Variants in CDH23 observed in about 807,000 individuals in gnomAD.
CDH23 encodes cadherin-23.
A neutral mutation model predicts 317.1 loss-of-function variants in CDH23; 189 were observed. The ratio of observed to expected loss-of-function variants is 0.60; its 90% CI spans 0.53 to 0.67. The LOEUF is 0.67. CDH23 is among the 30% of genes least tolerant of loss of function. The pLI is 0.00. For synonymous variants in CDH23, 1,839 were observed against 1,876.8 expected (o/e 0.98, Z 0.52); for missense variants, 4,401 against 4,592.4 (o/e 0.96, Z 1.20).
At position 71,617,287 on chromosome 10, in the gene CDH23, A is replaced by G; in HGVS notation, c.1028A>G (p.Asp343Gly). 1 of 1,613,986 alleles carries G rather than the reference A, an allele frequency of 6.2e-7. No homozygotes were observed. Among genetic ancestry groups the G allele is most frequent in the East Asian group, 2.2e-5 (1 of 44,884 alleles). ...AATATCCTGGTTATTGACATCAATG[A>G]CAATGCCCCGGAGTTCAACAGCTCC... Reference protein sequence around the residue: ...TFNILVIDINDNAPEFNSSEY... With the variant: ...TFNILVIDINGNAPEFNSSEY... The change falls in exon 11 of 70, where the codon GAC becomes GGC. Residue 343 changes from aspartate to glycine, a missense_variant. Asp to Gly is a moderately conservative substitution (Grantham distance 94). Coordinates refer to ENST00000224721, the MANE Select transcript of CDH23 (RefSeq NM_022124.6).
chr10:71,762,742 G>A (rs750750799), intron 38 of CDH23, among the ~76,000 whole-genome samples: 4 of 152,232 alleles, frequency 2.6e-5, no homozygotes, highest in Non-Finnish European at 5.9e-5. Flanking sequence ...GGGTGTCCTA[G>A]GCAAGATAGT....
chr10:71,687,779 AC>A, intron 19 of CDH23, 60 bp downstream of exon 19: 1 of 1,509,130 alleles, frequency 6.6e-7, no homozygotes, highest in Non-Finnish European at 9.2e-7. Flanking sequence ...CAGTCACGGC[AC>A]CCAGGATGTG....
rs971168150 is a variant in CDH23, at chr10:71,715,457, C to T, written c.3369+2644C>T. The T allele has an allele frequency of 4.6e-5, 7 of 152,744 alleles. No homozygotes were observed. In the East Asian group the frequency reaches 1.3e-3, roughly 29 times the overall value. The allele number at this position is 152,744 out of a possible 1,614,324, so 9.5% of individuals were successfully genotyped here. On this transcript the variant is annotated intron_variant, in intron 28 of 69. Transcript: ENST00000224721. ...AGGAAGAGAGCCCCGAGGTTTTGCCCCAGCACTGGGCCAGCACAGATGCCA... is the reference window on the plus strand; with the variant it reads ...AGGAAGAGAGCCCCGAGGTTTTGCCTCAGCACTGGGCCAGCACAGATGCCA...
intron 30 of CDH23, among the ~76,000 whole-genome samples, chr10:71,729,876 C>A (rs1418521746): frequency 6.6e-6 from 1 of 151,694 alleles, no homozygotes; most frequent in African/African-American, 2.4e-5. Flanking sequence ...GCTCTGTTGC[C>A]CAGGCTGGAG....
intron 19 of CDH23, among the ~76,000 whole-genome samples, chr10:71,688,791 T>C (rs1237506): frequency 1.5e-3 from 46 of 30,160 alleles, no homozygotes; most frequent in Admixed American, 3.9e-3. Flanking sequence ...GGTGGTGGAG[T>C]CAGGGGTGGT....
rs974008674 is a variant in CDH23, at chr10:71,752,029, C to T, written c.4845+10108C>T. 6 of 792,270 alleles carry T rather than the reference C, an allele frequency of 7.6e-6. No individual in the cohort carries two copies. In the African/African-American group the frequency reaches 8.5e-5, roughly 11 times the overall value. The allele number at this position is 792,270 out of a possible 1,614,324, so 49.1% of individuals were successfully genotyped here. A position where few individuals can be genotyped will look rare whatever the true frequency, so the allele number is the denominator to read the frequency against. Reference sequence around the variant, plus strand: ...AGGAGCCAGGCCCACAGAGCAAAGGCCATGGGCTGCACCTGCCCACCTGTC... The same window carrying T: ...AGGAGCCAGGCCCACAGAGCAAAGGTCATGGGCTGCACCTGCCCACCTGTC... On this transcript the variant is annotated intron_variant, in intron 38 of 69. Transcript: ENST00000224721.
chr10:71,406,118 T>C (rs1033313554), intron 1 of CDH23, among the ~76,000 whole-genome samples: 1 of 151,790 alleles, frequency 6.6e-6, no homozygotes. Context: ...TGGGCTCAAG[T>C]GATCTTCCCA....
chr10:71,795,710 CCCTCCT>C, intron 48 of CDH23: 1 of 161,956 alleles, frequency 6.2e-6, no homozygotes, highest in Non-Finnish European at 1.2e-5. Flanking sequence ...ACCCCTCCCT[CCCTCCT>C]CCCACCCCGT....
intron 14 of CDH23, among the ~76,000 whole-genome samples, chr10:71,670,940 C>T (rs1864117836): frequency 6.6e-6 from 1 of 151,282 alleles, no homozygotes; most frequent in Non-Finnish European, 1.5e-5. Flanking sequence ...GAGGTGCTCA[C>T]CTGGAGCCCT....
chr10:71,633,676 C>T (rs1862125100), intron 11 of CDH23, among the ~76,000 whole-genome samples: 1 of 152,208 alleles, frequency 6.6e-6, no homozygotes, highest in South Asian at 2.1e-4. Flanking sequence ...GATGAAATTA[C>T]CTGCTCCTTC....
intron 1 of CDH23, among the ~76,000 whole-genome samples, chr10:71,438,340 T>A: frequency 1.9e-5 from 2 of 103,234 alleles, no homozygotes; most frequent in African/African-American, 4.9e-5. Flanking sequence ...TGAGATTCTG[T>A]CTCAAACAAA....
chr10:71,667,450 T>A (rs189658575), intron 14 of CDH23, among the ~76,000 whole-genome samples: 2 of 150,970 alleles, frequency 1.3e-5, no homozygotes. Context: ...AGAGTCTACC[T>A]GAGCCAGACA....
At chr10:71,580,095 G>A (rs1858518839) in intron 9 of CDH23, among the ~76,000 whole-genome samples, 1 of 152,230 alleles carries the variant, frequency 6.6e-6, no homozygotes, top group African/African-American at 2.4e-5. Flanking sequence ...GCCCATTCCA[G>A]GTTCATGCTG....
At chr10:71,695,620 C>CT in intron 22 of CDH23, 95 bp downstream of exon 22, 1 of 813,490 alleles carries the variant, frequency 1.2e-6, no homozygotes, top group South Asian at 1.5e-5. Flanking sequence ...CCCTATGGGG[C>CT]TGGTGGACTC....
intron 3 of CDH23, among the ~76,000 whole-genome samples, chr10:71,457,839 A>G (rs1850771683): frequency 1.3e-5 from 2 of 152,284 alleles, no homozygotes; most frequent in African/African-American, 2.4e-5. Flanking sequence ...GTATGAGATT[A>G]GTCAGCTTGC....
chr10:71,551,185 C>T (rs1856575547), intron 6 of CDH23, among the ~76,000 whole-genome samples: 1 of 152,262 alleles, frequency 6.6e-6, no homozygotes, highest in Non-Finnish European at 1.5e-5. Context: ...ACCATTAAAA[C>T]AAAGTGTCGC....
At chr10:71,477,270 G>A (rs1255526058) in intron 3 of CDH23, among the ~76,000 whole-genome samples, 1 of 152,210 alleles carries the variant, frequency 6.6e-6, no homozygotes, top group Non-Finnish European at 1.5e-5. Context: ...CCAGGTTCAA[G>A]CGATTCTCCT....
chr10:71,569,895 A>AT (rs150556842), intron 7 of CDH23, among the ~76,000 whole-genome samples: 23,114 of 150,598 alleles, frequency 0.15, 1,924 homozygotes, highest in East Asian at 0.29. Flanking sequence ...ATTAAAAAAA[A>AT]ATTTTTTTTT....
intron 38 of CDH23, among the ~76,000 whole-genome samples, chr10:71,743,414 G>A (rs74147054): frequency 0.011 from 1,728 of 152,280 alleles, 26 homozygotes; most frequent in African/African-American, 0.038. Flanking sequence ...CTCTGGAGAT[G>A]TTGGTCCAAT....
Sources: allele counts gnomAD v4.1 joint callset (sites outside exome capture counted in the v4.1 genomes callset), GRCh38; gene constraint gnomAD v4.1.1; transcripts MANE v1.5; gene names NCBI Gene and HGNC (gene_info 2026-07-23, HGNC 2026-07-21).